FGF12: variants seen among roughly 807,000 people sequenced by gnomAD.
FGF12 encodes fibroblast growth factor 12B.
FGF12 carries 14 observed loss-of-function variants against 23.6 expected under a neutral mutation model. That is an observed-to-expected ratio of 0.59 (90% CI 0.39 to 0.93). The LOEUF (loss-of-function observed/expected upper bound fraction) is 0.93. Among genes scored for constraint, FGF12 ranks in the 40% least tolerant of loss-of-function variants. The pLI, the probability that FGF12 is intolerant of heterozygous loss-of-function variation, is 0.00. For missense variants in FGF12, 175 were observed against 217.8 expected (o/e 0.80, Z 1.24); for synonymous variants, 62 against 77.3 (o/e 0.80, Z 1.04).
chr3:192,261,736 TAGTAAAATGAATTCTCCCTACCTAA>T, intron 4 of FGF12, among the ~76,000 whole-genome samples: 1 of 152,186 alleles, frequency 6.6e-6, no homozygotes, highest in East Asian at 1.9e-4. Flanking sequence ...GTTTTTTAGT[TAGTAAAATGAATTCTCCCTACCTAA>T]AGTAATTTTA....
chr3:192,222,444 A>AT (rs1718526056), intron 4 of FGF12, among the ~76,000 whole-genome samples: 1 of 152,114 alleles, frequency 6.6e-6, no homozygotes, highest in Admixed American at 6.6e-5. Context: ...TTCCAGATTA[A>AT]TTTTTTCATT....
intron 4 of FGF12, among the ~76,000 whole-genome samples, chr3:192,326,331 T>C (rs551980934): frequency 6.6e-6 from 1 of 152,284 alleles, no homozygotes; most frequent in East Asian, 1.9e-4. Flanking sequence ...TGGATATCTA[T>C]GATAGTGAGG....
chr3:192,336,318 T>C lies in FGF12; in HGVS notation c.125-854A>G, dbSNP rs538911871. Among the ~76,000 whole-genome samples the C allele has an allele frequency of 6.6e-6, 1 of 152,176 alleles. No homozygotes were observed. The highest frequency in any genetic ancestry group is 6.6e-5 in the Admixed American group (1 of 15,262). ...TATTCGAGTTGCTCATCACTCAAAA[T>C]ACTCAATAGTCTATATGTCCACTTA... On this transcript the variant is annotated intron_variant, in intron 3 of 5. Coordinates refer to ENST00000445105, the MANE Select transcript of FGF12 (RefSeq NM_004113.6). This position sits in a 1 kb window ranked among gnomAD's most constrained non-coding sequence, Gnocchi z 4.3.
intron 2 of FGF12, among the ~76,000 whole-genome samples, chr3:192,531,709 A>C (rs1294783610): frequency 1.3e-5 from 2 of 152,206 alleles, no homozygotes; most frequent in African/African-American, 4.8e-5. Context: ...TTTTGAAAGG[A>C]AGTTATGTGA....
chr3:192,214,293 G>A (rs1336983183), intron 4 of FGF12, among the ~76,000 whole-genome samples: 1 of 152,218 alleles, frequency 6.6e-6, no homozygotes, highest in Non-Finnish European at 1.5e-5. Flanking sequence ...AATATTTCAT[G>A]TTTAATAAAT....
At chr3:192,287,395 T>C (rs1453930404) in intron 4 of FGF12, among the ~76,000 whole-genome samples, 2 of 152,098 alleles carry the variant, frequency 1.3e-5, no homozygotes, top group Admixed American at 6.6e-5. Flanking sequence ...CACAACTCTA[T>C]GCATATACCT....
rs1396299359 is a variant in FGF12 at position 192,141,127 on chromosome 3, C to CAAAAAAAAAAAAAAA, written c.*2881_*2882insTTTTTTTTTTTTTTT. 161 of 21,840 alleles carry CAAAAAAAAAAAAAAA rather than the reference C, an allele frequency of 7.4e-3. 14 individuals are homozygous for CAAAAAAAAAAAAAAA. The highest frequency in any genetic ancestry group is 0.012 in the East Asian group (7 of 562). 1.4% of individuals were successfully genotyped at this position (21,840 alleles called of 1,614,324 possible). On this transcript the variant is annotated 3_prime_UTR_variant, in exon 6 of 6. Transcript: ENST00000445105. ...TCCTGGGAAAAATCCCAATGCAACT[C>CAAAAAAAAAAAAAAA]CAAAAAAAAAAAAAAAAAAAAAAAA...
intron 4 of FGF12, among the ~76,000 whole-genome samples, chr3:192,201,988 C>G (rs1438176541): frequency 1.3e-5 from 2 of 152,152 alleles, no homozygotes; most frequent in Non-Finnish European, 2.9e-5. Flanking sequence ...CTAATAATCT[C>G]TTACATATGG....
At chr3:192,298,319 G>A (rs1345461234) in intron 4 of FGF12, among the ~76,000 whole-genome samples, 3 of 152,176 alleles carry the variant, frequency 2.0e-5, no homozygotes, top group Non-Finnish European at 4.4e-5. Context: ...GAAAAATGAA[G>A]ATGATTAAAG....
chr3:192,160,096 A>G (rs948374569), intron 5 of FGF12, among the ~76,000 whole-genome samples: 1 of 152,098 alleles, frequency 6.6e-6, no homozygotes, highest in Non-Finnish European at 1.5e-5. Context: ...AGCATGCTCT[A>G]TCAGGTCTAC....
At chr3:192,390,982 C>A (rs1189952037) in intron 2 of FGF12, among the ~76,000 whole-genome samples, 1 of 152,130 alleles carries the variant, frequency 6.6e-6, no homozygotes, top group East Asian at 1.9e-4. Context: ...CAGGAGGTAT[C>A]TAGCACGTAG....
At chr3:192,690,517 T>C (rs1717907349) in intron 2 of FGF12, among the ~76,000 whole-genome samples, 2 of 144,706 alleles carry the variant, frequency 1.4e-5, no homozygotes, top group South Asian at 4.3e-4. Flanking sequence ...ATAAGCTTCA[T>C]GGTAACTACA....
intron 2 of FGF12, among the ~76,000 whole-genome samples, chr3:192,605,469 C>T (rs74960852): frequency 0.016 from 2,489 of 151,828 alleles, 41 homozygotes; most frequent in Middle Eastern, 0.097. Flanking sequence ...TTACTAAGTC[C>T]TCAAAAGCAA....
chr3:192,329,107 C>T (rs1462725921), intron 4 of FGF12, among the ~76,000 whole-genome samples: 2 of 152,138 alleles, frequency 1.3e-5, no homozygotes, highest in Non-Finnish European at 2.9e-5. Context: ...GTGTTTAATG[C>T]TGTGGTTGGG....
At chr3:192,349,477 T>C (rs1029971195) in intron 3 of FGF12, among the ~76,000 whole-genome samples, 7 of 152,072 alleles carry the variant, frequency 4.6e-5, no homozygotes, top group African/African-American at 1.7e-4. Context: ...GCAACATATG[T>C]TTAAATTTAT....
chr3:192,640,212 TAACA>T (rs1560178105), intron 2 of FGF12, among the ~76,000 whole-genome samples: 1 of 152,028 alleles, frequency 6.6e-6, no homozygotes, highest in Non-Finnish European at 1.5e-5. Context: ...CTCTTGACAT[TAACA>T]AACAAAAAAC....
At chr3:192,635,121 A>G (rs1715532239) in intron 2 of FGF12, among the ~76,000 whole-genome samples, 1 of 152,206 alleles carries the variant, frequency 6.6e-6, no homozygotes, top group Non-Finnish European at 1.5e-5. Flanking sequence ...CGGCCTCCCA[A>G]AGTGCTGGGG....
intron 2 of FGF12, among the ~76,000 whole-genome samples, chr3:192,522,877 G>A (rs777181007): frequency 3.9e-5 from 6 of 152,118 alleles, no homozygotes; most frequent in East Asian, 1.9e-4. Flanking sequence ...ATACGTTCAC[G>A]TTTATAAACT....
chr3:192,349,358 T>A (rs1718104803), intron 3 of FGF12, among the ~76,000 whole-genome samples: 1 of 152,086 alleles, frequency 6.6e-6, no homozygotes, highest in South Asian at 2.1e-4. Context: ...TAAAGTGATC[T>A]CTAATTCTCA....
Sources: allele counts gnomAD v4.1 joint callset (sites outside exome capture counted in the v4.1 genomes callset), GRCh38; gene constraint gnomAD v4.1.1; non-coding constraint Gnocchi (gnomAD v3.1); transcripts MANE v1.5; gene names NCBI Gene and HGNC (gene_info 2026-07-23, HGNC 2026-07-21).